PDGFD: variants seen among roughly 807,000 people sequenced by gnomAD.
The protein encoded by PDGFD is platelet-derived growth factor D.
A neutral mutation model predicts 44.7 loss-of-function variants in PDGFD; 30 were observed. The observed-to-expected ratio is 0.67, with a 90% confidence interval of 0.50 to 0.91. The LOEUF (loss-of-function observed/expected upper bound fraction) is 0.91. PDGFD is among the 40% of genes least tolerant of loss of function. PDGFD has a pLI of 0.00. For synonymous variants in PDGFD, 173 were observed against 168.4 expected, an observed-to-expected ratio of 1.03 and a Z score of -0.21; for missense variants, 445 against 457.8, an observed-to-expected ratio of 0.97 and a Z score of 0.25.
intron 3 of PDGFD, among the ~76,000 whole-genome samples, chr11:103,966,723 C>A (rs1256572715): frequency 6.6e-6 from 1 of 152,184 alleles, no homozygotes; most frequent in Non-Finnish European, 1.5e-5. Context: ...AGCCCAAAAT[C>A]TATTAAGTAG....
chr11:103,922,363 T>C (rs1858238470), intron 6 of PDGFD, among the ~76,000 whole-genome samples: 1 of 152,174 alleles, frequency 6.6e-6, no homozygotes, highest in African/African-American at 2.4e-5. Flanking sequence ...GACACTGTAC[T>C]CCCAAATGTT....
At chr11:103,963,664 T>C (rs901741574) in intron 3 of PDGFD, among the ~76,000 whole-genome samples, 4 of 152,178 alleles carry the variant, frequency 2.6e-5, no homozygotes, top group Admixed American at 2.6e-4. Flanking sequence ...ATAACAGTAC[T>C]TTACTGGCTG....
chr11:104,140,662 A>C (rs2119871943), intron 1 of PDGFD, among the ~76,000 whole-genome samples: 1 of 152,244 alleles, frequency 6.6e-6, no homozygotes, highest in South Asian at 2.1e-4. Flanking sequence ...CTCTCCCCAA[A>C]GACCAACTAG....
chr11:103,938,035 G>A (rs937218384), intron 5 of PDGFD, among the ~76,000 whole-genome samples: 1 of 151,112 alleles, frequency 6.6e-6, no homozygotes, highest in Non-Finnish European at 1.5e-5. Flanking sequence ...TGTCTTTATA[G>A]CAGCATGATT....
chr11:103,945,543 T>C (rs1858656159), intron 4 of PDGFD: 1 of 152,180 alleles, frequency 6.6e-6, no homozygotes, highest in Non-Finnish European at 1.5e-5. Context: ...CAAAATGAGC[T>C]GACGAAATTA....
rs373658209 is a variant in PDGFD at position 104,042,091 on chromosome 11, C to A, written c.125-41836G>T. ...AAGCCTGGAAAACAAAGAAGAGGAG[C>A]AAACATAAAGATGGGTAGAGAAAGA... On this transcript the variant is annotated intron_variant, in intron 1 of 6. Coordinates refer to ENST00000393158, the MANE Select transcript of PDGFD (RefSeq NM_025208.5). 1.5e-4 allele frequency among the ~76,000 whole-genome samples: 23 copies of A among 152,136 alleles called. No homozygotes were observed. The South Asian group carries it at 3.3e-3, about 22-fold the overall frequency.
At chr11:103,979,822 A>T (rs1431625845) in intron 3 of PDGFD, among the ~76,000 whole-genome samples, 3 of 152,118 alleles carry the variant, frequency 2.0e-5, no homozygotes, top group African/African-American at 7.2e-5. Context: ...AATAGCATAT[A>T]TACATTTTTT....
chr11:103,987,726 G>T (rs1339408505), intron 3 of PDGFD, among the ~76,000 whole-genome samples: 1 of 152,172 alleles, frequency 6.6e-6, no homozygotes, highest in African/African-American at 2.4e-5. Flanking sequence ...AGGCTAGTAA[G>T]TGATTAGCAC....
intron 1 of PDGFD, among the ~76,000 whole-genome samples, chr11:104,125,685 T>G (rs1056910640): frequency 1.3e-5 from 2 of 152,178 alleles, no homozygotes; most frequent in African/African-American, 4.8e-5. Flanking sequence ...AGGAATCAAA[T>G]TACATGCTAT....
At chr11:104,073,788 G>A (rs1860913276) in intron 1 of PDGFD, among the ~76,000 whole-genome samples, 6 of 152,108 alleles carry the variant, frequency 3.9e-5, no homozygotes, top group Admixed American at 2.0e-4. Flanking sequence ...TTACATTGGC[G>A]AGTTTGCAGT....
chr11:104,111,515 C>A (rs1861557204), intron 1 of PDGFD, among the ~76,000 whole-genome samples: 1 of 152,064 alleles, frequency 6.6e-6, no homozygotes, highest in African/African-American at 2.4e-5. Context: ...GCCTTGGCTT[C>A]CCAAAGTGCT....
At chr11:103,977,216 A>C (rs191150261) in intron 3 of PDGFD, among the ~76,000 whole-genome samples, 79 of 152,142 alleles carry the variant, frequency 5.2e-4, no homozygotes, top group Non-Finnish European at 2.8e-4. Context: ...ACCAACCAAG[A>C]AAAAGCCCAG....
intron 3 of PDGFD, among the ~76,000 whole-genome samples, chr11:103,985,697 G>C (rs1310525862): frequency 1.3e-5 from 2 of 149,244 alleles, no homozygotes; most frequent in Admixed American, 6.6e-5. Context: ...ATTGAAACTA[G>C]AATGTTAGGC....
rs565232879 is a variant in PDGFD at position 104,046,828 on chromosome 11, G to C, written c.125-46573C>G. Among the ~76,000 whole-genome samples the C allele has an allele frequency of 3.4e-5, 5 of 146,674 alleles. 1 individual carries two copies. Among genetic ancestry groups the C allele is most frequent in the Non-Finnish European group, 7.6e-5 (5 of 65,754 alleles). On this transcript the variant is annotated intron_variant, in intron 1 of 6. Transcript: ENST00000393158. ...ACACAGGTATACGCATGCTATGGTG[G>C]TTTGCTGCACCCATCAACCTGTCAT... is the stretch of plus-strand genomic sequence containing the variant.
rs553806593 is a variant in PDGFD, at chr11:104,135,955, C to A, written c.124+27849G>T. ...GGAAAGACAGAAGTGGAACCATTAA[C>A]TCTCTGGAAGCCTGGGAAGGATTCT... On this transcript the variant is annotated intron_variant, in intron 1 of 6. Coordinates refer to ENST00000393158, the MANE Select transcript of PDGFD (RefSeq NM_025208.5). Among the ~76,000 whole-genome samples the A allele has an allele frequency of 5.9e-5, 9 of 152,300 alleles. No homozygotes were observed. The South Asian group carries it at 1.2e-3, about 21-fold the overall frequency.
intron 1 of PDGFD, among the ~76,000 whole-genome samples, chr11:104,126,023 G>A (rs894943132): frequency 6.6e-6 from 1 of 151,920 alleles, no homozygotes; most frequent in Non-Finnish European, 1.5e-5. Context: ...AGCAACCAAT[G>A]TGGTCACAGT....
chr11:104,096,739 T>C (rs1377742275), intron 1 of PDGFD, among the ~76,000 whole-genome samples: 2 of 152,164 alleles, frequency 1.3e-5, no homozygotes, highest in African/African-American at 4.8e-5. Flanking sequence ...GTATTATTTG[T>C]AACTAGGCAC....
Position 104,164,110 on chromosome 11 carries a change from G to A in PDGFD, c.-183C>T, listed in dbSNP as rs1159931753. On this transcript the variant is annotated 5_prime_UTR_variant, in exon 1 of 7. Coordinates refer to ENST00000393158, the MANE Select transcript of PDGFD (RefSeq NM_025208.5). Reference sequence around the variant, plus strand: ...TGCTGAACTTTCCGAGCGCGTGTGGGTGCCGCACTTCCTTGTGGTGCTGAG... The same window carrying A: ...TGCTGAACTTTCCGAGCGCGTGTGGATGCCGCACTTCCTTGTGGTGCTGAG... 4.7e-5 allele frequency: 24 copies of A among 514,984 alleles called. No individual in the cohort carries two copies. Among genetic ancestry groups the A allele is most frequent in the Non-Finnish European group, 7.3e-5 (22 of 301,160 alleles). 31.9% of individuals were successfully genotyped at this position (514,984 alleles called of 1,614,324 possible).
intron 6 of PDGFD, among the ~76,000 whole-genome samples, chr11:103,922,805 C>T (rs1213652806): frequency 6.6e-6 from 1 of 151,836 alleles, no homozygotes; most frequent in Non-Finnish European, 1.5e-5. Context: ...ATCTTGAACT[C>T]ATAGCCTCAA....
Sources: allele counts gnomAD v4.1 joint callset (sites outside exome capture counted in the v4.1 genomes callset), GRCh38; gene constraint gnomAD v4.1.1; transcripts MANE v1.5; gene names NCBI Gene and HGNC (gene_info 2026-07-23, HGNC 2026-07-21).